Variants in ERAP1 observed in about 807,000 individuals in gnomAD.
ERAP1 encodes adipocyte-derived leucine aminopeptidase.
ERAP1 carries 86 observed loss-of-function variants against 103.7 expected under a neutral mutation model. That is an observed-to-expected ratio of 0.83 (90% CI 0.70 to 0.99). The LOEUF is 0.99. ERAP1 is among the 50% of genes least tolerant of loss of function. The pLI is 0.00. For missense variants in ERAP1, 1,009 were observed against 1,128.4 expected, an observed-to-expected ratio of 0.89 and a Z score of 1.52; for synonymous variants, 398 against 402.4, an observed-to-expected ratio of 0.99 and a Z score of 0.13.
At chr5:96,834,547 T>C in the ERAP1 span, among the ~76,000 whole-genome samples, 1 of 152,232 alleles carries the variant, frequency 6.6e-6, no homozygotes, top group Admixed American at 6.5e-5. Flanking sequence ...TTGATGTATG[T>C]GAACTTATAC....
the ERAP1 span, among the ~76,000 whole-genome samples, chr5:96,896,019 C>T: frequency 1.3e-5 from 2 of 152,154 alleles, no homozygotes; most frequent in Non-Finnish European, 2.9e-5. Flanking sequence ...ATGCATATAC[C>T]ATATCTCCCT....
chr5:96,779,587 T>TA (rs149335377), intron 18 of ERAP1: 8,104 of 152,362 alleles, frequency 0.053, 279 homozygotes, highest in South Asian at 0.13. Context: ...GAACCACTCC[T>TA]AAAAAAATTA....
the ERAP1 span, chr5:96,889,597 G>A: frequency 6.3e-5 from 42 of 664,600 alleles, no homozygotes; most frequent in African/African-American, 5.2e-4. Flanking sequence ...AGGCTGGGAC[G>A]GAAGCCAGGT....
the ERAP1 span, among the ~76,000 whole-genome samples, chr5:96,898,572 C>CAAAAAAAA: frequency 3.3e-4 from 31 of 94,406 alleles, no homozygotes; most frequent in Non-Finnish European, 4.1e-4. Flanking sequence ...TACTAAAATA[C>CAAAAAAAA]AAAAAAAAAA....
chr5:96,872,617 A>G, the ERAP1 span, among the ~76,000 whole-genome samples: 1 of 152,294 alleles, frequency 6.6e-6, no homozygotes, highest in South Asian at 2.1e-4. Flanking sequence ...AAAAATAAGA[A>G]TAAAAGTAAC....
At chr5:96,899,012 G>A in the ERAP1 span, among the ~76,000 whole-genome samples, 2 of 152,100 alleles carry the variant, frequency 1.3e-5, no homozygotes, top group African/African-American at 4.8e-5. Context: ...TGGCAGTAGA[G>A]GGTGGGAGTT....
rs1465629421 is a variant in ERAP1, at chr5:96,774,588, TAGGTTCCTC to T, written c.*1799_*1807del. The T allele has an allele frequency of 1.0e-6, 1 of 985,580 alleles. No individual in the cohort carries two copies. The highest frequency in any genetic ancestry group is 1.1e-4 in the East Asian group (1 of 8,960). The allele number at this position is 985,580 out of a possible 1,614,324, so 61.1% of individuals were successfully genotyped here. Reference sequence around the variant, plus strand: ...GGGCTTTTCCAAAAGCAAACAAAGATAGGTTCCTCAGGTGACCAAAACTGAAAATCAATA... The same window carrying T: ...GGGCTTTTCCAAAAGCAAACAAAGATAGGTGACCAAAACTGAAAATCAATA... On this transcript the variant is annotated 3_prime_UTR_variant, in exon 19 of 19. Transcript: ENST00000443439.
chr5:96,897,593 T>C, the ERAP1 span, among the ~76,000 whole-genome samples: 1 of 152,196 alleles, frequency 6.6e-6, no homozygotes, highest in Admixed American at 6.5e-5. Context: ...ATAATAGTGA[T>C]TAATAAGCAG....
At chr5:96,816,030 A>G in the ERAP1 span, among the ~76,000 whole-genome samples, 2 of 152,328 alleles carry the variant, frequency 1.3e-5, no homozygotes, top group East Asian at 3.9e-4. Context: ...TCACTGTTGT[A>G]CTAGGAACAA....
rs1047935389 is a variant in ERAP1 at position 96,775,821 on chromosome 5, C to T, written c.*575G>A. On this transcript the variant is annotated 3_prime_UTR_variant, in exon 19 of 19. Transcript: ENST00000443439. ...ACCTCCACCTACTACCTCCTCCGAC[C>T]CCAGCTCCAGCTCTCCGGCTCCCCA... 1.0e-5 allele frequency: 4 copies of T among 398,816 alleles called. No homozygotes were observed. Among genetic ancestry groups the T allele is most frequent in the Admixed American group, 6.3e-5 (1 of 15,968 alleles). The allele number at this position is 398,816 out of a possible 1,614,324, so 24.7% of individuals were successfully genotyped here.
intron 13 of ERAP1, chr5:96,785,332 C>A: frequency 5.0e-6 from 1 of 198,410 alleles, no homozygotes; most frequent in Non-Finnish European, 1.0e-5. Context: ...AAAAAAAATC[C>A]CTTCTTTAAC....
At chr5:96,871,294 T>C in the ERAP1 span, among the ~76,000 whole-genome samples, 1 of 152,216 alleles carries the variant, frequency 6.6e-6, no homozygotes, top group African/African-American at 2.4e-5. Flanking sequence ...TCTCCAGGGA[T>C]TGCTGTCTTG....
At chr5:96,831,391 T>C in the ERAP1 span, among the ~76,000 whole-genome samples, 10 of 152,270 alleles carry the variant, frequency 6.6e-5, no homozygotes, top group East Asian at 1.9e-3. Context: ...TGAGAGTTGG[T>C]GGGGATGCAC....
the ERAP1 span, among the ~76,000 whole-genome samples, chr5:96,893,487 G>A: frequency 6.6e-6 from 1 of 152,106 alleles, no homozygotes; most frequent in Non-Finnish European, 1.5e-5. Context: ...CCCCACTGGC[G>A]CATTTTAGGT....
chr5:96,803,567 C>CA lies in ERAP1; in HGVS notation c.359dup (p.Gln121AlafsTer63). On this transcript the variant is annotated frameshift_variant, in exon 2 of 19. Transcript: ENST00000443439. LOFTEE classifies it high-confidence loss of function. ...CCTGACGGGGGTGTTCCAGGACCTG[C>CA]AGGGGTTCTTCCGATAGCCTCTCTC... The CA allele has an allele frequency of 6.2e-7, 1 of 1,614,016 alleles. No homozygotes were observed. Among genetic ancestry groups the CA allele is most frequent in the Non-Finnish European group, 8.5e-7 (1 of 1,179,886 alleles).
the ERAP1 span, among the ~76,000 whole-genome samples, chr5:96,932,643 A>AGTTC: frequency 6.6e-6 from 1 of 152,182 alleles, no homozygotes; most frequent in East Asian, 1.9e-4. Flanking sequence ...TCTAGACAGT[A>AGTTC]GTTCCCTCCT....
the ERAP1 span, chr5:96,901,691 T>C: frequency 2.7e-5 from 43 of 1,612,542 alleles, no homozygotes; most frequent in Non-Finnish European, 3.4e-5. Context: ...GGTGGCTGCT[T>C]TTCTTCTTTA....
the ERAP1 span, chr5:96,908,975 C>A: frequency 6.2e-7 from 1 of 1,614,066 alleles, no homozygotes. Context: ...GGGAGACTGA[C>A]CCTAGACAAA....
chr5:96,843,155 A>G, the ERAP1 span, among the ~76,000 whole-genome samples: 1 of 152,224 alleles, frequency 6.6e-6, no homozygotes, highest in African/African-American at 2.4e-5. Flanking sequence ...AAATGAAAGT[A>G]CACTCCACAG....
Sources: gnomAD v4.1 joint callset for allele counts (sites outside exome capture counted in the v4.1 genomes callset) on GRCh38, gnomAD v4.1.1 for gene constraint, MANE v1.5 for transcripts, NCBI Gene and HGNC (gene_info 2026-07-23, HGNC 2026-07-21) for gene names.